TLN2: variants seen among roughly 807,000 people sequenced by gnomAD.
TLN2 encodes the protein talin-2.
A neutral mutation model predicts 294.7 loss-of-function variants in TLN2; 118 were observed. The ratio of observed to expected loss-of-function variants is 0.40; its 90% CI spans 0.34 to 0.47. TLN2 has a LOEUF of 0.47. Ranked by LOEUF, TLN2 falls within the 20% of genes least tolerant of loss-of-function variation. TLN2 has a pLI of 0.84. For missense variants in TLN2, 3,083 were observed against 3,282.2 expected (o/e 0.94, Z 1.48); for synonymous variants, 1,431 against 1,304.5 (o/e 1.10, Z -2.09).
Position 62,707,085 on chromosome 15 carries a change from G to A in TLN2, c.2005-1G>A. The A allele has an allele frequency of 6.2e-7, 1 of 1,605,604 alleles. No homozygotes were observed. The highest frequency in any genetic ancestry group is 8.5e-7 in the Non-Finnish European group (1 of 1,173,972). Reference sequence around the variant, plus strand: ...AATAGTCTTTGATTCCCTTTTCTTAGGATGTTTTAATGAGTTTGGCCAAAG... The same window carrying A: ...AATAGTCTTTGATTCCCTTTTCTTAAGATGTTTTAATGAGTTTGGCCAAAG... On this transcript the variant is annotated splice_acceptor_variant, in intron 19 of 58. Coordinates refer to ENST00000636159, the MANE Select transcript of TLN2 (RefSeq NM_015059.3). LOFTEE classifies it high-confidence loss of function.
At chr15:62,563,714 C>T (rs956464873) in intron 1 of TLN2, among the ~76,000 whole-genome samples, 4 of 152,242 alleles carry the variant, frequency 2.6e-5, no homozygotes, top group African/African-American at 9.6e-5. Flanking sequence ...ACACTTTGCA[C>T]ATGCTGGGCC....
Position 62,835,872 on chromosome 15 carries a change from C to T in TLN2, c.7192-19C>T, listed in dbSNP as rs1390633194. 6 of 1,614,086 alleles carry T rather than the reference C, an allele frequency of 3.7e-6. No individual in the cohort carries two copies. The African/African-American group carries it at 5.3e-5, about 14-fold the overall frequency. ...GGGAGGTTTGGGCCTTGGGTCACTT[C>T]TCCGTTGACTGTCCCCAGGCCCGGA... On this transcript the variant is annotated intron_variant, in intron 56 of 58. Coordinates refer to ENST00000636159, the MANE Select transcript of TLN2 (RefSeq NM_015059.3).
chr15:62,596,796 A>G (rs1596295295), intron 2 of TLN2, among the ~76,000 whole-genome samples: 1 of 152,308 alleles, frequency 6.6e-6, no homozygotes, highest in East Asian at 1.9e-4. Context: ...ATTGCATGCA[A>G]ATGGCTAAAA....
intron 1 of TLN2, among the ~76,000 whole-genome samples, chr15:62,427,877 G>A (rs2034802620): frequency 1.3e-5 from 2 of 152,182 alleles, no homozygotes; most frequent in African/African-American, 4.8e-5. Flanking sequence ...CCTGAAAACT[G>A]TGAGGCTTGT....
intron 11 of TLN2, among the ~76,000 whole-genome samples, chr15:62,677,035 T>C (rs1209669744): frequency 6.6e-6 from 1 of 152,220 alleles, no homozygotes; most frequent in Non-Finnish European, 1.5e-5. Flanking sequence ...CAGATGGTGT[T>C]CCCAACCTCT....
Position 62,651,346 on chromosome 15 carries a change from T to C in TLN2, c.235-659T>C, listed in dbSNP as rs189735138. Among the ~76,000 whole-genome samples, 4 of 152,312 alleles carry C rather than the reference T, an allele frequency of 2.6e-5. No individual in the cohort carries two copies. In the East Asian group the frequency reaches 5.8e-4, roughly 22 times the overall value. ...TAAGAAATCTTTATGAAAGCAGTTA[T>C]TTAGCACTGGAGAAAAAATTGAAGG... On this transcript the variant is annotated intron_variant, in intron 5 of 58. Coordinates refer to ENST00000636159, the MANE Select transcript of TLN2 (RefSeq NM_015059.3).
chr15:62,611,819 T>C (rs1483675964), intron 2 of TLN2, among the ~76,000 whole-genome samples: 2 of 152,084 alleles, frequency 1.3e-5, no homozygotes, highest in Non-Finnish European at 2.9e-5. Context: ...CTAGAACCTT[T>C]CCCCCCAGTC....
Position 62,836,010 on chromosome 15 carries a change from T to C in TLN2, c.7311T>C (p.Ala2437=), listed in dbSNP as rs768621654. 2 of 1,613,356 alleles carry C rather than the reference T, an allele frequency of 1.2e-6. No individual in the cohort carries two copies. The highest frequency in any genetic ancestry group is 1.7e-6 in the Non-Finnish European group (2 of 1,179,716). Residue 2437 remains alanine, a synonymous_variant, in exon 57 of 59, where the codon GCT becomes GCC. Transcript: ENST00000636159. ...CCAAGCAGGTCGCCGCTTCCACGGC[T>C]CAGCTGCTGGTGGCCTGCAAGGTGA... is the stretch of plus-strand genomic sequence containing the variant. ...SSAKQVAAST[A]QLLVACKVKA... is the part of the protein sequence containing the mutation.
chr15:62,460,746 A>G (rs1358818562), intron 1 of TLN2, among the ~76,000 whole-genome samples: 1 of 152,216 alleles, frequency 6.6e-6, no homozygotes, highest in African/African-American at 2.4e-5. Context: ...TTGTTGAAAT[A>G]GAGCATAGAG....
At chr15:62,591,954 A>G (rs1329513516) in intron 2 of TLN2, among the ~76,000 whole-genome samples, 3 of 152,162 alleles carry the variant, frequency 2.0e-5, no homozygotes, top group Non-Finnish European at 4.4e-5. Context: ...GACCTGGGGC[A>G]CAGTGGCCGG....
chr15:62,825,770 TTA>T (rs2068021141), intron 54 of TLN2, among the ~76,000 whole-genome samples: 1 of 42,856 alleles, frequency 2.3e-5, no homozygotes, highest in Non-Finnish European at 4.1e-5. Flanking sequence ...TAATTATATA[TTA>T]TATAATATAT....
intron 1 of TLN2, among the ~76,000 whole-genome samples, chr15:62,562,311 CTG>C (rs1270720716): frequency 2.0e-5 from 3 of 152,172 alleles, no homozygotes; most frequent in African/African-American, 4.8e-5. Context: ...AGCCCAGTAA[CTG>C]TGCGGCAAGG....
intron 1 of TLN2, among the ~76,000 whole-genome samples, chr15:62,443,680 T>G (rs1015215299): frequency 4.6e-5 from 7 of 152,184 alleles, no homozygotes; most frequent in African/African-American, 1.7e-4. Context: ...TTAGAGAATC[T>G]GAGATTCAGT....
chr15:62,651,690 C>G (rs28425542), intron 5 of TLN2, among the ~76,000 whole-genome samples: 2,692 of 152,100 alleles, frequency 0.018, 70 homozygotes, highest in African/African-American at 0.062. Context: ...GTGAAAAGAA[C>G]GTATGGAATA....
intron 3 of TLN2, among the ~76,000 whole-genome samples, chr15:62,640,879 G>A (rs569505956): frequency 6.6e-6 from 1 of 152,086 alleles, no homozygotes. Flanking sequence ...TTGGCTCACT[G>A]CAACCACTAC....
intron 1 of TLN2, among the ~76,000 whole-genome samples, chr15:62,520,629 A>T (rs2040409781): frequency 6.6e-6 from 1 of 152,240 alleles, no homozygotes; most frequent in South Asian, 2.1e-4. Context: ...GGGAAACATA[A>T]CTACAGCATA....
Position 62,432,094 on chromosome 15 carries a change from T to A in TLN2, c.-238+41409T>A, listed in dbSNP as rs145326723. On this transcript the variant is annotated intron_variant, in intron 1 of 58. Transcript: ENST00000636159. ...CTGGTGTAATAGCAGTTGGGCTGTA[T>A]TCCTTCAGTGTCTCAGTGTGTGTAT... Among the ~76,000 whole-genome samples the A allele has an allele frequency of 3.9e-3, 593 of 152,346 alleles. 2 individuals carry two copies. The highest frequency in any genetic ancestry group is 5.7e-3 in the Non-Finnish European group (389 of 68,030).
chr15:62,667,919 A>G (rs1463416366), intron 9 of TLN2, among the ~76,000 whole-genome samples: 1 of 152,264 alleles, frequency 6.6e-6, no homozygotes, highest in African/African-American at 2.4e-5. Context: ...CCTAGAGGAC[A>G]TTATTATGTC....
chr15:62,598,188 C>A (rs1251791687), intron 2 of TLN2, among the ~76,000 whole-genome samples: 3 of 152,182 alleles, frequency 2.0e-5, no homozygotes, highest in Non-Finnish European at 4.4e-5. Context: ...ATTTCACACA[C>A]AAAGAAGTTA....
Sources: allele counts gnomAD v4.1 joint callset (sites outside exome capture counted in the v4.1 genomes callset), GRCh38; gene constraint gnomAD v4.1.1; transcripts MANE v1.5; gene names NCBI Gene and HGNC (gene_info 2026-07-23, HGNC 2026-07-21).